Variants in SPMIP2 observed in about 807,000 individuals in gnomAD.
The protein encoded by SPMIP2 is protein SPMIP2.
At chr4:159,048,456 C>A in the SPMIP2 span, among the ~76,000 whole-genome samples, 1 of 152,116 alleles carries the variant, frequency 6.6e-6, no homozygotes, top group Admixed American at 6.6e-5. Flanking sequence ...TTTGTCTTCT[C>A]GTCTTTCACA....
the SPMIP2 span, among the ~76,000 whole-genome samples, chr4:158,977,847 C>G: frequency 6.6e-6 from 1 of 152,062 alleles, no homozygotes; most frequent in Non-Finnish European, 1.5e-5. Flanking sequence ...ATCTCCTGAC[C>G]TCGTGATCTG....
At chr4:158,994,972 A>T in the SPMIP2 span, among the ~76,000 whole-genome samples, 5 of 152,260 alleles carry the variant, frequency 3.3e-5, no homozygotes, top group East Asian at 9.6e-4. Flanking sequence ...CACTGAAAGA[A>T]CTGAAAGGCT....
the SPMIP2 span, among the ~76,000 whole-genome samples, chr4:158,971,361 T>C: frequency 1.3e-5 from 2 of 152,312 alleles, no homozygotes; most frequent in South Asian, 2.1e-4. Flanking sequence ...TTTTATTGCC[T>C]AAGTGGAATA....
chr4:158,910,494 A>G, the SPMIP2 span, among the ~76,000 whole-genome samples: 1 of 151,736 alleles, frequency 6.6e-6, no homozygotes, highest in African/African-American at 2.4e-5. Context: ...GCTGGTCTTG[A>G]ACTCCCGACC....
chr4:159,023,489 G>A, the SPMIP2 span, among the ~76,000 whole-genome samples: 4 of 152,134 alleles, frequency 2.6e-5, no homozygotes, highest in East Asian at 1.9e-4. Context: ...CTTCTCTAGA[G>A]GACCCTGTAG....
chr4:159,010,266 A>G, the SPMIP2 span, among the ~76,000 whole-genome samples: 21 of 152,354 alleles, frequency 1.4e-4, no homozygotes, highest in Admixed American at 9.8e-4. Context: ...CAGCCTTCAG[A>G]GGTCAGCAGG....
chr4:158,954,776 T>A, the SPMIP2 span, among the ~76,000 whole-genome samples: 1 of 152,212 alleles, frequency 6.6e-6, no homozygotes, highest in Non-Finnish European at 1.5e-5. Context: ...TTCATATTAT[T>A]TATTAAAGGC....
At chr4:159,038,257 C>T in the SPMIP2 span, among the ~76,000 whole-genome samples, 1 of 152,194 alleles carries the variant, frequency 6.6e-6, no homozygotes, top group South Asian at 2.1e-4. Context: ...TTTGTATTCT[C>T]ATCCACAATA....
At chr4:158,919,232 T>G in the SPMIP2 span, among the ~76,000 whole-genome samples, 1 of 152,160 alleles carries the variant, frequency 6.6e-6, no homozygotes, top group African/African-American at 2.4e-5. Context: ...AATTAACGTT[T>G]TTATATTACT....
At chr4:159,040,415 C>G in the SPMIP2 span, among the ~76,000 whole-genome samples, 1 of 151,936 alleles carries the variant, frequency 6.6e-6, no homozygotes, top group Non-Finnish European at 1.5e-5. Context: ...TCGTGATCCG[C>G]CCACCTCGGC....
the SPMIP2 span, among the ~76,000 whole-genome samples, chr4:158,928,840 AC>A: frequency 6.6e-6 from 1 of 151,318 alleles, no homozygotes; most frequent in African/African-American, 2.4e-5. Flanking sequence ...ACAACACCAG[AC>A]GTGCTGCTTT....
the SPMIP2 span, among the ~76,000 whole-genome samples, chr4:158,954,792 A>C: frequency 7.2e-5 from 11 of 152,350 alleles, no homozygotes; most frequent in Admixed American, 2.6e-4. Flanking sequence ...AAGGCCTAGA[A>C]GATAGGGTGG....
chr4:158,986,669 A>G, the SPMIP2 span, among the ~76,000 whole-genome samples: 1 of 152,222 alleles, frequency 6.6e-6, no homozygotes, highest in South Asian at 2.1e-4. Context: ...ACCTAAAACC[A>G]TAAAAACCCT....
chr4:158,988,203 A>G, the SPMIP2 span, among the ~76,000 whole-genome samples: 1 of 152,204 alleles, frequency 6.6e-6, no homozygotes, highest in East Asian at 1.9e-4. Context: ...AAGCAGTCAA[A>G]TGCCTGAATA....
At chr4:159,044,282 T>C in the SPMIP2 span, among the ~76,000 whole-genome samples, 1 of 148,770 alleles carries the variant, frequency 6.7e-6, no homozygotes, top group Admixed American at 6.7e-5. Context: ...GGCAGGAGAA[T>C]TGCTTGAACC....
At chr4:158,922,948 A>G in the SPMIP2 span, among the ~76,000 whole-genome samples, 2 of 152,230 alleles carry the variant, frequency 1.3e-5, no homozygotes, top group African/African-American at 2.4e-5. Flanking sequence ...GTATGGATAT[A>G]TAATAGTTTG....
At chr4:158,907,566 A>G in the SPMIP2 span, 1 of 152,232 alleles carries the variant, frequency 6.6e-6, no homozygotes, top group African/African-American at 2.4e-5. Context: ...ACATAAAAAT[A>G]ATAAAGAATA....
the SPMIP2 span, among the ~76,000 whole-genome samples, chr4:158,940,352 G>A: frequency 6.6e-6 from 1 of 152,220 alleles, no homozygotes; most frequent in African/African-American, 2.4e-5. Context: ...GTGGGAGTTC[G>A]AAATTCACCA....
chr4:159,072,864 A>T, the SPMIP2 span, among the ~76,000 whole-genome samples: 18 of 152,212 alleles, frequency 1.2e-4, no homozygotes, highest in African/African-American at 4.3e-4. Flanking sequence ...TGATAAGTAT[A>T]ACAAAACATG....
Sources: allele counts gnomAD v4.1 joint callset (sites outside exome capture counted in the v4.1 genomes callset), GRCh38; gene constraint gnomAD v4.1.1; transcripts MANE v1.5; gene names NCBI Gene and HGNC (gene_info 2026-07-23, HGNC 2026-07-21).